CYTH3: variants seen among roughly 807,000 people sequenced by gnomAD.
CYTH3 encodes the protein cytohesin 3, also known as cytohesin-3.
CYTH3 carries 23 observed loss-of-function variants against 55.1 expected under a neutral mutation model. The observed-to-expected ratio is 0.42, with a 90% CI of 0.30 to 0.59. CYTH3 has a LOEUF of 0.59. Ranked by LOEUF, CYTH3 falls within the 20% of genes least tolerant of loss-of-function variation. The probability of loss-of-function intolerance (pLI) is 0.20; values close to 1 mark genes in which losing one functional copy is unlikely to be tolerated. For missense variants in CYTH3, 413 were observed against 524.8 expected, an observed-to-expected ratio of 0.79 and a Z score of 2.08; for synonymous variants, 249 against 194.9, an observed-to-expected ratio of 1.28 and a Z score of -2.31.
At chr7:6,229,257 C>T (rs1046375089) in intron 1 of CYTH3, among the ~76,000 whole-genome samples, 3 of 152,204 alleles carry the variant, frequency 2.0e-5, no homozygotes, top group African/African-American at 7.2e-5. Context: ...CCTAATTTTA[C>T]ATATGTCTAA....
intron 1 of CYTH3, among the ~76,000 whole-genome samples, chr7:6,242,205 T>G (rs756317866): frequency 6.6e-6 from 1 of 151,242 alleles, no homozygotes; most frequent in African/African-American, 2.4e-5. Flanking sequence ...GCCTCCCGAG[T>G]AGCTGGGACT....
rs561521384 is a variant in CYTH3, at chr7:6,184,757, T to C, written c.249+2293A>G. ...CCACGCCCAGCTAATTTTGTATTTT[T>C]AGTAGAGATGGAGTTTCACCATGTT... On this transcript the variant is annotated intron_variant, in intron 4 of 12. Coordinates refer to ENST00000350796, the MANE Select transcript of CYTH3 (RefSeq NM_004227.4). Among the ~76,000 whole-genome samples the C allele has an allele frequency of 2.4e-4, 37 of 152,204 alleles. No individual in the cohort carries two copies. The South Asian group carries it at 7.1e-3, about 29-fold the overall frequency.
intron 1 of CYTH3, among the ~76,000 whole-genome samples, chr7:6,211,402 C>A (rs1191746725): frequency 6.6e-6 from 1 of 152,286 alleles, no homozygotes; most frequent in Non-Finnish European, 1.5e-5. Context: ...AGCCTGACTC[C>A]TGGCTCTACC....
intron 9 of CYTH3, among the ~76,000 whole-genome samples, chr7:6,166,860 A>C (rs1205593483): frequency 6.6e-6 from 1 of 152,150 alleles, no homozygotes; most frequent in Non-Finnish European, 1.5e-5. Flanking sequence ...ACAGGAGCCC[A>C]GCCTCCAGCT....
chr7:6,179,827 CGCACACCACAT>C (rs1783454475), intron 4 of CYTH3, among the ~76,000 whole-genome samples: 1 of 131,696 alleles, frequency 7.6e-6, no homozygotes, highest in Non-Finnish European at 1.6e-5. Flanking sequence ...ACACCACACA[CGCACACCACAT>C]ACACCACACC....
chr7:6,166,115 A>G (rs1052144412), intron 9 of CYTH3, among the ~76,000 whole-genome samples: 2 of 152,208 alleles, frequency 1.3e-5, no homozygotes, highest in African/African-American at 4.8e-5. Flanking sequence ...AGTGTGATGA[A>G]GTCAGGACTG....
At chr7:6,200,154 G>A (rs1234766394) in intron 1 of CYTH3, among the ~76,000 whole-genome samples, 4 of 152,158 alleles carry the variant, frequency 2.6e-5, no homozygotes, top group Non-Finnish European at 5.9e-5. Flanking sequence ...AAATAAGCAA[G>A]TGGTATCTCC....
Position 6,255,814 on chromosome 7 carries a change from A to G in CYTH3, c.34+16660T>C, listed in dbSNP as rs547728045. Among the ~76,000 whole-genome samples the G allele has an allele frequency of 6.3e-5, 9 of 142,594 alleles. No homozygotes were observed. The South Asian group carries it at 1.8e-3, about 28-fold the overall frequency. The allele number at this position is 142,594 out of a possible 152,430, so 93.5% of individuals were successfully genotyped here. On this transcript the variant is annotated intron_variant, in intron 1 of 12. Transcript: ENST00000350796. ...AATCTCCCTCTGTCACCCAGGCTGA[A>G]GTGCAGTGGCGCGATCTCTGCTCAC...
At chr7:6,202,238 G>A (rs1784072390) in intron 1 of CYTH3, among the ~76,000 whole-genome samples, 1 of 152,166 alleles carries the variant, frequency 6.6e-6, no homozygotes, top group Non-Finnish European at 1.5e-5. Flanking sequence ...GAAATCCATT[G>A]TGTAAAGAAA....
At chr7:6,211,688 C>T (rs973900296) in intron 1 of CYTH3, among the ~76,000 whole-genome samples, 3 of 152,006 alleles carry the variant, frequency 2.0e-5, no homozygotes, top group African/African-American at 7.2e-5. Context: ...CTATAGTTAC[C>T]CTGTTGTGCT....
exon 1 of CYTH3, chr7:6,272,613 CGCGCGGCCCGGG>C (rs1340927975): frequency 3.4e-6 from 3 of 875,060 alleles, no homozygotes; most frequent in Non-Finnish European, 4.2e-6. Flanking sequence ...GGCTCCTCAG[CGCGCGGCCCGGG>C]TCGCGGCCGG....
chr7:6,267,974 G>A (rs71531372), intron 1 of CYTH3, among the ~76,000 whole-genome samples: 7,373 of 152,166 alleles, frequency 0.048, 272 homozygotes, highest in Middle Eastern at 0.075. Context: ...ATAAAAAGGC[G>A]CATAGTGAAA....
chr7:6,250,872 C>A (rs1475922675), intron 1 of CYTH3, among the ~76,000 whole-genome samples: 3 of 152,162 alleles, frequency 2.0e-5, no homozygotes, highest in Admixed American at 1.3e-4. Context: ...GCTTTATTAC[C>A]AAATACACTG....
chr7:6,240,186 C>T (rs770815494), intron 1 of CYTH3, among the ~76,000 whole-genome samples: 5 of 151,198 alleles, frequency 3.3e-5, no homozygotes, highest in Non-Finnish European at 7.4e-5. Context: ...GGCACCTGTA[C>T]TCCCAGCTAC....
chr7:6,252,499 C>T (rs17136116), intron 1 of CYTH3, among the ~76,000 whole-genome samples: 16,537 of 152,224 alleles, frequency 0.11, 1,221 homozygotes, highest in East Asian at 0.33. Context: ...GACTCCGAGA[C>T]CCTGTTGCTA....
chr7:6,260,464 T>C (rs759116599), intron 1 of CYTH3, among the ~76,000 whole-genome samples: 29 of 152,094 alleles, frequency 1.9e-4, no homozygotes, highest in Non-Finnish European at 1.0e-4. Context: ...TCTATTCTCA[T>C]AACATGCCAC....
At chr7:6,165,952 G>A (rs1782988231) in intron 9 of CYTH3, 142 bp from the exon 10 acceptor site, 8 of 773,534 alleles carry the variant, frequency 1.0e-5, no homozygotes, top group African/African-American at 1.7e-5. Context: ...GTCCTTCAGC[G>A]TTCCCACCGC....
chr7:6,178,371 C>G (rs956179649), intron 4 of CYTH3, among the ~76,000 whole-genome samples: 2 of 152,240 alleles, frequency 1.3e-5, no homozygotes, highest in African/African-American at 4.8e-5. Context: ...TGCTGGTCCC[C>G]GCTCCCTGCC....
rs1474858241 is a variant in CYTH3, at chr7:6,202,774, T to C, written c.35-12243A>G. On this transcript the variant is annotated intron_variant, in intron 1 of 12. Transcript: ENST00000350796. ...GTGCCCAGCCAGGCCATTGCTGTTT[T>C]AAACCAATTCCTTTGAAGAAGTTTG... 2.6e-5 allele frequency among the ~76,000 whole-genome samples: 4 copies of C among 152,232 alleles called. No individual in the cohort carries two copies. In the East Asian group the frequency reaches 7.7e-4, roughly 29 times the overall value.
Sources: allele counts gnomAD v4.1 joint callset (sites outside exome capture counted in the v4.1 genomes callset), GRCh38; gene constraint gnomAD v4.1.1; transcripts MANE v1.5; gene names NCBI Gene and HGNC (gene_info 2026-07-23, HGNC 2026-07-21).